ARPIN: variants seen among roughly 807,000 people sequenced by gnomAD.
The protein encoded by ARPIN is actin related protein 2/3 complex inhibitor.
ARPIN carries 23 observed loss-of-function variants against 25.9 expected under a neutral mutation model. The ratio of observed to expected loss-of-function variants is 0.89; its 90% CI spans 0.64 to 1.26. ARPIN has a LOEUF of 1.26. Among genes scored for constraint, ARPIN ranks in the 50% most tolerant of loss-of-function variants. The pLI, the probability that ARPIN is intolerant of heterozygous loss-of-function variation, is 0.00. For synonymous variants in ARPIN, 126 were observed against 131.4 expected, an observed-to-expected ratio of 0.96 and a Z score of 0.28; for missense variants, 333 against 312.2, an observed-to-expected ratio of 1.07 and a Z score of -0.50.
Position 89,896,039 on chromosome 15 carries a change from C to G in ARPIN, c.*5756G>C. On this transcript the variant is annotated 3_prime_UTR_variant, in exon 6 of 6. Transcript: ENST00000357484. ...CAGTAGCTGGGATTACAGGCACATGCCACCATGCCCAGCAAATTTTTGTAT... is the reference window on the plus strand; with the variant it reads ...CAGTAGCTGGGATTACAGGCACATGGCACCATGCCCAGCAAATTTTTGTAT... The G allele has an allele frequency of 6.6e-6, 1 of 152,418 alleles. No homozygotes were observed. Among genetic ancestry groups the G allele is most frequent in the Non-Finnish European group, 1.5e-5 (1 of 68,086 alleles). 9.4% of individuals were successfully genotyped at this position (152,418 alleles called of 1,614,324 possible). A position where few individuals can be genotyped will look rare whatever the true frequency, so the allele number is the denominator to read the frequency against.
intron 1 of ARPIN, chr15:89,912,510 G>A (rs1359452231): frequency 7.7e-6 from 10 of 1,296,036 alleles, no homozygotes; most frequent in Non-Finnish European, 9.8e-6. Context: ...ACCCTCTCTC[G>A]AGGGCAGGCG....
At chr15:89,903,435 G>A (rs1897059894) in intron 4 of ARPIN, 56 bp from the exon 5 acceptor site, 5 of 1,606,498 alleles carry the variant, frequency 3.1e-6, no homozygotes, top group Non-Finnish European at 4.3e-6. Flanking sequence ...AACATAGTGA[G>A]GGCTGGGCCC....
intron 2 of ARPIN, 78 bp downstream of exon 2, chr15:89,910,666 C>T: frequency 6.3e-7 from 1 of 1,583,340 alleles, no homozygotes; most frequent in Middle Eastern, 1.7e-4. Flanking sequence ...CTGGAAGGAC[C>T]CAGCACAAGG....
chr15:89,912,488 C>G (rs574761878), intron 1 of ARPIN: 5 of 1,274,012 alleles, frequency 3.9e-6, no homozygotes, highest in Non-Finnish European at 4.9e-6. Flanking sequence ...GGAGACCTGT[C>G]TGGGGGTCGG....
intron 3 of ARPIN, among the ~76,000 whole-genome samples, chr15:89,904,668 C>G (rs545391715): frequency 6.6e-6 from 1 of 152,308 alleles, no homozygotes; most frequent in South Asian, 2.1e-4. Flanking sequence ...GAAGTGGGCC[C>G]AGCCTCCCAG....
At chr15:89,912,722 G>A (rs1255608644) in intron 1 of ARPIN, 22 bp downstream of exon 1, 5 of 1,083,034 alleles carry the variant, frequency 4.6e-6, no homozygotes, top group South Asian at 1.8e-5. Context: ...AGGCCGACCC[G>A]AGGCCGTGAG....
At position 89,910,733 on chromosome 15, in the gene ARPIN, A is replaced by G; in HGVS notation, c.168+11T>C. On this transcript the variant is annotated intron_variant, in intron 2 of 5. Coordinates refer to ENST00000357484, the MANE Select transcript of ARPIN (RefSeq NM_182616.4). ...AGTGCCCTCTAGCTAGCACCGAGGAAGCATCCTCACCTTCCTGCCATGAGT... is the reference window on the plus strand; with the variant it reads ...AGTGCCCTCTAGCTAGCACCGAGGAGGCATCCTCACCTTCCTGCCATGAGT... 2 of 1,614,112 alleles carry G rather than the reference A, an allele frequency of 1.2e-6. No individual in the cohort carries two copies. Among genetic ancestry groups the G allele is most frequent in the Non-Finnish European group, 1.7e-6 (2 of 1,179,962 alleles).
Position 89,912,752 on chromosome 15 carries a change from G to T in ARPIN, c.84C>A (p.Ala28=), listed in dbSNP as rs773492847. 8.8e-6 allele frequency: 13 copies of T among 1,474,056 alleles called. No homozygotes were observed. The East Asian group carries it at 3.8e-4, about 43-fold the overall frequency. 91.3% of individuals were successfully genotyped at this position (1,474,056 alleles called of 1,614,324 possible). A position where few individuals can be genotyped will look rare whatever the true frequency, so the allele number is the denominator to read the frequency against. The change falls in exon 1 of 6, where the codon GCC becomes GCA. Residue 28 remains alanine (A), a synonymous_variant. Coordinates refer to ENST00000357484, the MANE Select transcript of ARPIN (RefSeq NM_182616.4). ...CGTGAGCCCAGGCCTACCCCTGGTG[G>T]GCGGCGGGGTCCCAGGCCCCTGGCA... ...VRLPGAWDPA[A]HQGGNGVLLE...
Position 89,895,232 on chromosome 15 carries a change from T to C in ARPIN, c.*6563A>G, listed in dbSNP as rs1896911335. 6.6e-6 allele frequency: 1 copy of C among 152,166 alleles called. No individual in the cohort carries two copies. Among genetic ancestry groups the C allele is most frequent in the Non-Finnish European group, 1.5e-5 (1 of 68,024 alleles). The allele number at this position is 152,166 out of a possible 1,614,324, so 9.4% of individuals were successfully genotyped here. A position where few individuals can be genotyped will look rare whatever the true frequency, so the allele number is the denominator to read the frequency against. ...TTGAATATGAGAAATATTAAATAGA[T>C]AATAAAAATCATGCTGGGAAAGATT... is the stretch of plus-strand genomic sequence containing the variant. On this transcript the variant is annotated 3_prime_UTR_variant, in exon 6 of 6. Coordinates refer to ENST00000357484, the MANE Select transcript of ARPIN (RefSeq NM_182616.4).
chr15:89,906,390 C>T (rs1160155720), intron 3 of ARPIN, among the ~76,000 whole-genome samples: 1 of 152,186 alleles, frequency 6.6e-6, no homozygotes, highest in Non-Finnish European at 1.5e-5. Flanking sequence ...AGGCATTGGG[C>T]ACCCTCTGCC....
rs960742313 is a variant in ARPIN at position 89,896,527 on chromosome 15, T to C, written c.*5268A>G. ...ATAACCTAAACAGAAGAAAGCGAAA[T>C]TGAATAAGATCCAAAAATCTGTATT... On this transcript the variant is annotated 3_prime_UTR_variant, in exon 6 of 6. Transcript: ENST00000357484. 6.6e-6 allele frequency: 1 copy of C among 152,052 alleles called. No individual in the cohort carries two copies. The highest frequency in any genetic ancestry group is 2.4e-5 in the African/African-American group (1 of 41,396). The allele number at this position is 152,052 out of a possible 1,614,324, so 9.4% of individuals were successfully genotyped here.
In ARPIN at chr15:89,899,679, C is replaced by T. The variant is rs1567193569; in HGVS notation, c.*2116G>A. 1 of 152,348 alleles carries T rather than the reference C, an allele frequency of 6.6e-6. No homozygotes were observed. Among genetic ancestry groups the T allele is most frequent in the Non-Finnish European group, 1.5e-5 (1 of 68,144 alleles). The allele number at this position is 152,348 out of a possible 1,614,324, so 9.4% of individuals were successfully genotyped here. On this transcript the variant is annotated 3_prime_UTR_variant, in exon 6 of 6. Coordinates refer to ENST00000357484, the MANE Select transcript of ARPIN (RefSeq NM_182616.4). Reference sequence around the variant, plus strand: ...GCTATAGACCAGACCCCTCTAGCCTCTCACCCAGGCAACTGCAGCAGTCTC... The same window carrying T: ...GCTATAGACCAGACCCCTCTAGCCTTTCACCCAGGCAACTGCAGCAGTCTC...
In ARPIN at chr15:89,899,793, G is replaced by C. The variant is rs1436640661; in HGVS notation, c.*2002C>G. On this transcript the variant is annotated 3_prime_UTR_variant, in exon 6 of 6. Coordinates refer to ENST00000357484, the MANE Select transcript of ARPIN (RefSeq NM_182616.4). ...CTTCTCACTCTCCATGGGATCACTG[G>C]CTTCCAGGATGTTAAGGATAAAGTC... The C allele has an allele frequency of 6.6e-6, 1 of 152,284 alleles. No homozygotes were observed. Among genetic ancestry groups the C allele is most frequent in the Admixed American group, 6.5e-5 (1 of 15,272 alleles). The allele number at this position is 152,284 out of a possible 1,614,324, so 9.4% of individuals were successfully genotyped here.
At chr15:89,907,826 T>C (rs1428786100) in intron 3 of ARPIN, among the ~76,000 whole-genome samples, 1 of 152,038 alleles carries the variant, frequency 6.6e-6, no homozygotes, top group African/African-American at 2.4e-5. Flanking sequence ...AAACAAAAAT[T>C]TTAAAAATTA....
chr15:89,904,958 T>C (rs1018825988), intron 3 of ARPIN, among the ~76,000 whole-genome samples: 1 of 151,886 alleles, frequency 6.6e-6, no homozygotes, highest in African/African-American at 2.4e-5. Flanking sequence ...CATCTCACTT[T>C]CTTTGCAAGG....
chr15:89,911,297 T>C (rs1382873162), intron 1 of ARPIN, among the ~76,000 whole-genome samples: 1 of 152,200 alleles, frequency 6.6e-6, no homozygotes, highest in Non-Finnish European at 1.5e-5. Flanking sequence ...ATATTCCTTT[T>C]CTCATTCATA....
In ARPIN at chr15:89,902,729, A is replaced by C. The variant is rs182473677; in HGVS notation, c.672+487T>G. 1.7e-5 allele frequency: 8 copies of C among 482,610 alleles called. No homozygotes were observed. The East Asian group carries it at 1.0e-3, about 63-fold the overall frequency. The allele number at this position is 482,610 out of a possible 1,614,324, so 29.9% of individuals were successfully genotyped here. A position where few individuals can be genotyped will look rare whatever the true frequency, so the allele number is the denominator to read the frequency against. On this transcript the variant is annotated intron_variant, in intron 5 of 5. Transcript: ENST00000357484. ...CCAAAAAAAGAGAAAAGAAATGAAA[A>C]GAAAAGCAACTGTGAATAGGCTGAG...
Position 89,903,978 on chromosome 15 carries a change from C to T in ARPIN, c.307G>A (p.Glu103Lys). 1 of 1,605,338 alleles carries T rather than the reference C, an allele frequency of 6.2e-7. No homozygotes were observed. The highest frequency in any genetic ancestry group is 1.1e-5 in the South Asian group (1 of 90,986). ...AGCCTGTCAGTGTCCCCCTTGGCTT[C>T]CACCTCTGCAGGCACAGAGCGCAGG... is the stretch of plus-strand genomic sequence containing the variant. ...TGFLMSSYKV[E>K]AKGDTDRLTP... The change falls in exon 4 of 6, where the codon GAA becomes AAA. Residue 103 changes from glutamate (E) to lysine (K), a missense_variant. Glu to Lys is a moderately conservative substitution (Grantham distance 56). Transcript: ENST00000357484.
intron 1 of ARPIN, 184 bp downstream of exon 1, chr15:89,912,560 C>T: frequency 7.4e-7 from 1 of 1,348,678 alleles, no homozygotes; most frequent in African/African-American, 1.5e-5. Flanking sequence ...GTCATGGGGT[C>T]GCTGGGCGGG....
Sources: allele counts gnomAD v4.1 joint callset (sites outside exome capture counted in the v4.1 genomes callset), GRCh38; gene constraint gnomAD v4.1.1; transcripts MANE v1.5; gene names NCBI Gene and HGNC (gene_info 2026-07-23, HGNC 2026-07-21).